MYO3A: variants seen among roughly 807,000 people sequenced by gnomAD.
MYO3A encodes the protein myosin-IIIa.
MYO3A carries 180 observed loss-of-function variants against 192.7 expected under a neutral mutation model. The observed-to-expected ratio is 0.93, with a 90% CI of 0.83 to 1.06. The LOEUF (loss-of-function observed/expected upper bound fraction) is 1.06. Ranked by LOEUF, MYO3A falls within the 50% of genes least tolerant of loss-of-function variation. The probability of loss-of-function intolerance (pLI) is 0.00; values close to 1 mark genes in which losing one functional copy is unlikely to be tolerated. For missense variants in MYO3A, 1,896 were observed against 1,905.0 expected (o/e 1.00, Z 0.09); for synonymous variants, 628 against 645.3 (o/e 0.97, Z 0.41).
intron 10 of MYO3A, among the ~76,000 whole-genome samples, chr10:26,055,475 A>G (rs1378811878): frequency 6.6e-6 from 1 of 152,076 alleles, no homozygotes; most frequent in Non-Finnish European, 1.5e-5. Context: ...CATCCAAGGG[A>G]GCAATTAGTG....
intron 20 of MYO3A, among the ~76,000 whole-genome samples, chr10:26,133,425 G>A (rs1459023638): frequency 6.6e-6 from 1 of 152,090 alleles, no homozygotes; most frequent in African/African-American, 2.4e-5. Flanking sequence ...CTCTCCCTCT[G>A]GCTTCGCAGA....
chr10:26,189,118 T>C (rs1843001003), intron 31 of MYO3A, among the ~76,000 whole-genome samples: 1 of 152,134 alleles, frequency 6.6e-6, no homozygotes, highest in African/African-American at 2.4e-5. Flanking sequence ...TGGAAGAACA[T>C]TTCATGCTCA....
intron 4 of MYO3A, among the ~76,000 whole-genome samples, chr10:25,985,890 A>G (rs1839621769): frequency 6.6e-6 from 1 of 152,176 alleles, no homozygotes; most frequent in Admixed American, 6.5e-5. Context: ...GGACATAACA[A>G]AAAAAGGAAA....
At chr10:26,048,954 G>A (rs1409444505) in intron 10 of MYO3A, among the ~76,000 whole-genome samples, 6 of 152,190 alleles carry the variant, frequency 3.9e-5, no homozygotes, top group Admixed American at 6.5e-5. Context: ...CACTAGCAGA[G>A]GAGCCACAAT....
intron 31 of MYO3A, among the ~76,000 whole-genome samples, chr10:26,179,897 G>T (rs1243495641): frequency 1.3e-5 from 2 of 152,118 alleles, no homozygotes; most frequent in Non-Finnish European, 2.9e-5. Context: ...GCAGTGGCAC[G>T]ACCTCGGCTC....
chr10:26,172,830 C>T (rs12357292), intron 29 of MYO3A, among the ~76,000 whole-genome samples: 1 of 152,080 alleles, frequency 6.6e-6, no homozygotes, highest in East Asian at 1.9e-4. Context: ...ATCCCGGTAG[C>T]TTTTTCCAGA....
At chr10:26,181,947 A>G (rs1291499307) in intron 31 of MYO3A, among the ~76,000 whole-genome samples, 19 of 152,240 alleles carry the variant, frequency 1.2e-4, no homozygotes, top group Admixed American at 1.2e-3. Flanking sequence ...CACATATGGA[A>G]TATTAACAGC....
At chr10:26,181,272 G>GC (rs1842606320) in intron 31 of MYO3A, among the ~76,000 whole-genome samples, 1 of 152,142 alleles carries the variant, frequency 6.6e-6, no homozygotes, top group Non-Finnish European at 1.5e-5. Flanking sequence ...ACCAAATGAA[G>GC]CCAGATGCTA....
rs202237241 is a variant in MYO3A at position 25,982,285 on chromosome 10, C to G, written c.304-14205C>G. The stretch of plus-strand genomic sequence containing the variant: ...AGCTCAGACACACCTATCCCTGCCG[C>G]CACCTGGTGGTCTTTCTCTACCCAC... On this transcript the variant is annotated intron_variant, in intron 4 of 34. Coordinates refer to ENST00000642920, the MANE Select transcript of MYO3A (RefSeq NM_017433.5). 4.1e-4 allele frequency among the ~76,000 whole-genome samples: 63 copies of G among 152,232 alleles called. 1 individual carries two copies. The East Asian group carries it at 0.012, about 28-fold the overall frequency.
rs1844233733 is a variant in MYO3A, at chr10:26,211,876, G to T, written c.4764G>T (p.Glu1588Asp). The T allele has an allele frequency of 6.2e-7, 1 of 1,614,092 alleles. No individual in the cohort carries two copies. Among genetic ancestry groups the T allele is most frequent in the Non-Finnish European group, 8.5e-7 (1 of 1,180,012 alleles). ...CWAAESPEKE[E>D]EREPAANPYD... is the part of the protein sequence containing the mutation. ...CGGCGGAGAGCCCCGAGAAGGAGGA[G>T]GAGAGAGAGCCAGCAGCCAACCCCT... The change falls in exon 35 of 35, where the codon GAG (glutamate) becomes GAT (aspartate). Residue 1588 changes from glutamate to aspartate, a missense_variant. Glu to Asp is a conservative substitution (Grantham distance 45). Transcript: ENST00000642920.
At chr10:26,067,209 A>G (rs1588892525) in intron 11 of MYO3A, 135 bp downstream of exon 11, 3 of 646,238 alleles carry the variant, frequency 4.6e-6, no homozygotes, top group African/African-American at 3.6e-5. Flanking sequence ...CACTCTGCCC[A>G]TGTCTCCCAT....
At chr10:26,051,849 A>G (rs1844025430) in intron 10 of MYO3A, among the ~76,000 whole-genome samples, 1 of 152,110 alleles carries the variant, frequency 6.6e-6, no homozygotes, top group African/African-American at 2.4e-5. Context: ...TGCCATAATG[A>G]CAGGGTTGAG....
intron 15 of MYO3A, among the ~76,000 whole-genome samples, chr10:26,093,803 A>T (rs566910019): frequency 2.1e-4 from 32 of 152,252 alleles, no homozygotes; most frequent in East Asian, 1.7e-3. Context: ...CATTTTTTTT[A>T]AAATTGCCAA....
At chr10:26,140,421 C>G (rs925166208) in intron 20 of MYO3A, among the ~76,000 whole-genome samples, 1 of 152,134 alleles carries the variant, frequency 6.6e-6, no homozygotes, top group Non-Finnish European at 1.5e-5. Flanking sequence ...CGGTGGCTCA[C>G]GCCTGTAATC....
At chr10:26,197,030 A>G (rs1267040751) in intron 32 of MYO3A, among the ~76,000 whole-genome samples, 5 of 152,134 alleles carry the variant, frequency 3.3e-5, no homozygotes, top group African/African-American at 9.7e-5. Context: ...TTTGTTCTTG[A>G]TTCTTGTTAC....
At chr10:26,054,720 G>T (rs1588870774) in intron 10 of MYO3A, among the ~76,000 whole-genome samples, 2 of 152,172 alleles carry the variant, frequency 1.3e-5, no homozygotes, top group Non-Finnish European at 2.9e-5. Context: ...TATGAGTATG[G>T]AAGCAGCTGT....
chr10:25,934,755 A>G (rs1835934620), intron 1 of MYO3A, among the ~76,000 whole-genome samples: 1 of 137,464 alleles, frequency 7.3e-6, no homozygotes, highest in Non-Finnish European at 1.6e-5. Context: ...AGGGAACGCG[A>G]GGGGATAGTG....
rs146003089 is a variant in MYO3A at position 26,204,662 on chromosome 10, A to G, written c.4730+1555A>G. Among the ~76,000 whole-genome samples, 326 of 152,374 alleles carry G rather than the reference A, an allele frequency of 2.1e-3. 1 individual carries two copies. The highest frequency in any genetic ancestry group is 5.2e-3 in the Admixed American group (79 of 15,306). ...AAAGAGTCACCTAGATGATAAGTTC[A>G]TGGAGCCAGAATTTCTAAGTTTAGA... On this transcript the variant is annotated intron_variant, in intron 34 of 34. Transcript: ENST00000642920.
At chr10:26,200,350 T>G (rs1454462788) in intron 32 of MYO3A, among the ~76,000 whole-genome samples, 1 of 152,230 alleles carries the variant, frequency 6.6e-6, no homozygotes, top group Admixed American at 6.5e-5. Context: ...GCCATTTTTG[T>G]TATACAACAC....
Sources: gnomAD v4.1 joint callset for allele counts (sites outside exome capture counted in the v4.1 genomes callset) on GRCh38, gnomAD v4.1.1 for gene constraint, MANE v1.5 for transcripts, NCBI Gene and HGNC (gene_info 2026-07-23, HGNC 2026-07-21) for gene names.